Variants in FAM229B observed in about 807,000 individuals in gnomAD.
FAM229B encodes protein FAM229B.
In FAM229B, 2 loss-of-function variants were observed where a neutral mutation model predicts 6.7. The ratio of observed to expected loss-of-function variants is 0.30; its 90% CI spans 0.12 to 0.94. The LOEUF (loss-of-function observed/expected upper bound fraction) is 0.94, where lower values mean the gene tolerates loss of function less well. Among genes scored for constraint, FAM229B ranks in the 40% least tolerant of loss-of-function variants. The pLI, the probability that FAM229B is intolerant of heterozygous loss-of-function variation, is 0.54. For missense variants in FAM229B, 93 were observed against 96.2 expected, an observed-to-expected ratio of 0.97 and a Z score of 0.14; for synonymous variants, 29 against 34.0, an observed-to-expected ratio of 0.85 and a Z score of 0.51.
At chr6:112,095,528 A>G (rs1777309621) in intron 1 of FAM229B, among the ~76,000 whole-genome samples, 1 of 150,322 alleles carries the variant, frequency 6.7e-6, no homozygotes, top group Admixed American at 6.6e-5. Flanking sequence ...GCTACTTGAG[A>G]TGCTGAGGCA....
intron 1 of FAM229B, among the ~76,000 whole-genome samples, chr6:112,092,878 A>AAACAAAACAC (rs1247794534): frequency 6.6e-6 from 1 of 152,010 alleles, no homozygotes; most frequent in Non-Finnish European, 1.5e-5. Flanking sequence ...AAGTAACACA[A>AAACAAAACAC]AACAAAACAC....
chr6:112,095,905 A>T (rs1554318614), intron 1 of FAM229B, among the ~76,000 whole-genome samples: 2 of 152,188 alleles, frequency 1.3e-5, no homozygotes, highest in African/African-American at 4.8e-5. Flanking sequence ...ATTCACAGAT[A>T]GTACCCTAGT....
chr6:112,087,782 G>C (rs1195344225), intron 1 of FAM229B, 62 bp downstream of exon 1: 1 of 302,064 alleles, frequency 3.3e-6, no homozygotes, highest in African/African-American at 2.1e-5. Context: ...TGGGCTATCA[G>C]AGGTTTAATT....
At chr6:112,100,628 C>T (rs1262703192) in intron 3 of FAM229B, 42 bp from the exon 4 acceptor site, 2 of 1,350,476 alleles carry the variant, frequency 1.5e-6, no homozygotes, top group Admixed American at 1.8e-5. Flanking sequence ...AATATTTCCT[C>T]TTTTTAGTAT....
rs1450614609 is a variant in FAM229B at position 112,094,337 on chromosome 6, G to C, written c.-175-2704G>C. Among the ~76,000 whole-genome samples the C allele has an allele frequency of 2.6e-5, 4 of 152,136 alleles. No homozygotes were observed. In the East Asian group the frequency reaches 7.7e-4, roughly 29 times the overall value. ...AAGATAAAGTCTAAAATTTTAACTTGAGTTTTTGCTCCTGCGTGATTTGGC... is the reference window on the plus strand; with the variant it reads ...AAGATAAAGTCTAAAATTTTAACTTCAGTTTTTGCTCCTGCGTGATTTGGC... On this transcript the variant is annotated intron_variant, in intron 1 of 3. Coordinates refer to ENST00000368656, the MANE Select transcript of FAM229B (RefSeq NM_001033564.3).
At chr6:112,090,045 CAATT>C (rs1459152423) in intron 1 of FAM229B, among the ~76,000 whole-genome samples, 3 of 152,000 alleles carry the variant, frequency 2.0e-5, no homozygotes, top group African/African-American at 4.8e-5. Context: ...GAAGAAAAAA[CAATT>C]AATTAGAGTA....
intron 1 of FAM229B, among the ~76,000 whole-genome samples, chr6:112,094,975 C>T (rs2114505591): frequency 6.6e-6 from 1 of 152,266 alleles, no homozygotes; most frequent in South Asian, 2.1e-4. Flanking sequence ...AAAGTTTCAT[C>T]ATTAAGACTA....
chr6:112,092,450 C>T (rs929164604), intron 1 of FAM229B, among the ~76,000 whole-genome samples: 2 of 151,930 alleles, frequency 1.3e-5, no homozygotes, highest in African/African-American at 4.8e-5. Flanking sequence ...ATTGAGAATT[C>T]TATACCCAGT....
chr6:112,097,461 T>A (rs1777341623), intron 2 of FAM229B, among the ~76,000 whole-genome samples: 1 of 152,224 alleles, frequency 6.6e-6, no homozygotes, highest in African/African-American at 2.4e-5. Flanking sequence ...TGCACCATTT[T>A]AAATTTTTCC....
chr6:112,098,391 A>G (rs782638871), intron 2 of FAM229B, among the ~76,000 whole-genome samples: 1 of 152,172 alleles, frequency 6.6e-6, no homozygotes, highest in African/African-American at 2.4e-5. Context: ...GTATACTTGC[A>G]GACATTTATA....
intron 1 of FAM229B, among the ~76,000 whole-genome samples, chr6:112,094,817 A>G (rs6932855): frequency 0.3 from 45,291 of 151,872 alleles, 7,127 homozygotes; most frequent in African/African-American, 0.41. Context: ...AAAGACTATT[A>G]CTCTTGAGCT....
At chr6:112,098,852 G>C (rs1777359155) in intron 2 of FAM229B, among the ~76,000 whole-genome samples, 3 of 152,180 alleles carry the variant, frequency 2.0e-5, no homozygotes, top group Non-Finnish European at 4.4e-5. Context: ...TCCTTGCGTT[G>C]CTTGGTGGCT....
At chr6:112,099,647 T>TAAC (rs1393642112) in intron 3 of FAM229B, among the ~76,000 whole-genome samples, 4 of 152,198 alleles carry the variant, frequency 2.6e-5, no homozygotes, top group East Asian at 1.9e-4. Flanking sequence ...TTTTAGCTAT[T>TAAC]AACAACAACA....
chr6:112,089,537 T>C (rs782340840), intron 1 of FAM229B, among the ~76,000 whole-genome samples: 1 of 152,194 alleles, frequency 6.6e-6, no homozygotes, highest in Non-Finnish European at 1.5e-5. Context: ...CTACTAGGGA[T>C]AGTACCTTGC....
At chr6:112,091,499 T>C (rs1777256588) in intron 1 of FAM229B, among the ~76,000 whole-genome samples, 1 of 152,162 alleles carries the variant, frequency 6.6e-6, no homozygotes, top group Non-Finnish European at 1.5e-5. Flanking sequence ...CTCAGAAAGG[T>C]ACCTCAGTAG....
chr6:112,099,959 T>C (rs369891409), intron 3 of FAM229B, among the ~76,000 whole-genome samples: 2 of 152,208 alleles, frequency 1.3e-5, no homozygotes, highest in South Asian at 2.1e-4. Flanking sequence ...ATGTTTACCA[T>C]AGCAAAACCT....
chr6:112,092,607 A>C (rs1777272045), intron 1 of FAM229B, among the ~76,000 whole-genome samples: 1 of 152,106 alleles, frequency 6.6e-6, no homozygotes, highest in Non-Finnish European at 1.5e-5. Context: ...AAAGGGATAA[A>C]GAGCACTGAA....
In FAM229B at chr6:112,100,897, A is replaced by T; in HGVS notation, c.*110A>T. 1.3e-6 allele frequency: 1 copy of T among 783,174 alleles called. No individual in the cohort carries two copies. The highest frequency in any genetic ancestry group is 2.2e-6 in the Non-Finnish European group (1 of 458,312). The allele number at this position is 783,174 out of a possible 1,614,324, so 48.5% of individuals were successfully genotyped here. A position where few individuals can be genotyped will look rare whatever the true frequency, so the allele number is the denominator to read the frequency against. ...GGTGGCACCTTTAGATGATGACAAC[A>T]GTTGAGCTCTTTACTTTTAGTAAGA... On this transcript the variant is annotated 3_prime_UTR_variant, in exon 4 of 4. Transcript: ENST00000368656.
At chr6:112,094,793 T>A (rs1777300935) in intron 1 of FAM229B, among the ~76,000 whole-genome samples, 2 of 152,222 alleles carry the variant, frequency 1.3e-5, no homozygotes. Context: ...CATGAATTAA[T>A]ATCTTGAGAA....
Sources: allele counts gnomAD v4.1 joint callset (sites outside exome capture counted in the v4.1 genomes callset), GRCh38; gene constraint gnomAD v4.1.1; transcripts MANE v1.5; gene names NCBI Gene and HGNC (gene_info 2026-07-23, HGNC 2026-07-21).